Variants in DLC1 observed in about 807,000 individuals in gnomAD.
DLC1 encodes the protein rho GTPase-activating protein 7.
A neutral mutation model predicts 140.3 loss-of-function variants in DLC1; 54 were observed. The observed-to-expected ratio is 0.38, with a 90% CI of 0.31 to 0.48. The LOEUF is 0.48. Ranked by LOEUF, DLC1 falls within the 20% of genes least tolerant of loss-of-function variation. DLC1 has a pLI of 0.96. For missense variants in DLC1, 2,536 were observed against 1,907.0 expected, an observed-to-expected ratio of 1.33 and a Z score of -6.14; for synonymous variants, 986 against 728.1, an observed-to-expected ratio of 1.35 and a Z score of -5.70.
At chr8:13,122,337 A>G (rs1821161053) in intron 5 of DLC1, among the ~76,000 whole-genome samples, 1 of 152,144 alleles carries the variant, frequency 6.6e-6, no homozygotes, top group Non-Finnish European at 1.5e-5. Context: ...AGTTCTGAGG[A>G]CGTACCAAGC....
intron 5 of DLC1, among the ~76,000 whole-genome samples, chr8:13,253,713 C>A (rs761822433): frequency 6.6e-6 from 1 of 152,170 alleles, no homozygotes; most frequent in Non-Finnish European, 1.5e-5. Context: ...GGCTGCACAT[C>A]CTGTGATGGC....
At chr8:13,104,731 C>G (rs1024605690) in intron 7 of DLC1, among the ~76,000 whole-genome samples, 1 of 152,176 alleles carries the variant, frequency 6.6e-6, no homozygotes, top group Non-Finnish European at 1.5e-5. Flanking sequence ...TTTTGCCTGC[C>G]TGATAAGCCC....
chr8:13,496,785 C>CTTTTTTTTTTTTTTTTTTTTTTTT lies in DLC1; in HGVS notation c.1023+2263_1023+2264insAAAAAAAAAAAAAAAAAAAAAAAA. On this transcript the variant is annotated intron_variant, in intron 2 of 17. Transcript: ENST00000276297. The stretch of plus-strand genomic sequence containing the variant: ...TAATTAACAAATTCTTAGACCATTT[C>CTTTTTTTTTTTTTTTTTTTTTTTT]CTTTTTTTTTTTTTTTTTTTTTTTT... 2.0e-3 allele frequency among the ~76,000 whole-genome samples: 17 copies of CTTTTTTTTTTTTTTTTTTTTTTTT among 8,646 alleles called. 3 individuals are homozygous for CTTTTTTTTTTTTTTTTTTTTTTTT. Among genetic ancestry groups the CTTTTTTTTTTTTTTTTTTTTTTTT allele is most frequent in the Non-Finnish European group, 3.4e-3 (5 of 1,456 alleles). 5.7% of individuals were successfully genotyped at this position (8,646 alleles called of 152,430 possible).
chr8:13,112,822 C>T (rs957075803), intron 6 of DLC1, among the ~76,000 whole-genome samples: 1 of 152,154 alleles, frequency 6.6e-6, no homozygotes, highest in Non-Finnish European at 1.5e-5. Flanking sequence ...CCTGGGATTA[C>T]AGGCATGAGC....
intron 4 of DLC1, among the ~76,000 whole-genome samples, chr8:13,336,412 C>T (rs1162733361): frequency 1.3e-5 from 2 of 152,048 alleles, no homozygotes; most frequent in Non-Finnish European, 2.9e-5. Context: ...GTCACAATTC[C>T]AGGAGAAAGT....
intron 5 of DLC1, among the ~76,000 whole-genome samples, chr8:13,222,864 C>T (rs1185788871): frequency 2.6e-4 from 40 of 152,140 alleles, no homozygotes; most frequent in Non-Finnish European, 2.9e-5. Flanking sequence ...CCACCTCAGC[C>T]TCCCCAGTCG....
At position 13,100,100 on chromosome 8, in the gene DLC1, T is replaced by TGGCTGC. The variant is rs1042558787; in HGVS notation, c.2231_2236dup (p.Ser745_Gln746insArgSer). Reference sequence around the variant, plus strand: ...GCTGACCGCGCTGCTGGTCTCCGACTGGCTGCTGCTGCTGCTGGTCTGCGT... The same window carrying TGGCTGC: ...GCTGACCGCGCTGCTGGTCTCCGACTGGCTGCGGCTGCTGCTGCTGCTGGTCTGCGT... On this transcript the variant is annotated inframe_insertion, in exon 9 of 18. Transcript: ENST00000276297. 1.2e-6 allele frequency: 2 copies of TGGCTGC among 1,613,948 alleles called. No individual in the cohort carries two copies. The highest frequency in any genetic ancestry group is 2.7e-5 in the African/African-American group (2 of 75,066).
At chr8:13,470,413 G>T in intron 2 of DLC1, among the ~76,000 whole-genome samples, 1 of 139,468 alleles carries the variant, frequency 7.2e-6, no homozygotes, top group Non-Finnish European at 1.7e-5. Flanking sequence ...AAGCCCCAAA[G>T]AGCCAAACCC....
At chr8:13,284,437 G>C (rs895498361) in intron 5 of DLC1, among the ~76,000 whole-genome samples, 1 of 152,224 alleles carries the variant, frequency 6.6e-6, no homozygotes, top group East Asian at 1.9e-4. Context: ...TGAGGTAGGA[G>C]AATTGCTTAA....
intron 5 of DLC1, among the ~76,000 whole-genome samples, chr8:13,151,112 C>T (rs930437317): frequency 6.6e-6 from 1 of 152,076 alleles, no homozygotes; most frequent in Non-Finnish European, 1.5e-5. Flanking sequence ...GAATGTGAAT[C>T]CTTATAAAAC....
At chr8:13,473,300 A>G (rs1292148887) in intron 2 of DLC1, among the ~76,000 whole-genome samples, 1 of 152,048 alleles carries the variant, frequency 6.6e-6, no homozygotes, top group East Asian at 1.9e-4. Context: ...GTGGGAGGTA[A>G]TTGAATCATG....
At chr8:13,311,640 T>C (rs1832668101) in intron 4 of DLC1, among the ~76,000 whole-genome samples, 1 of 152,246 alleles carries the variant, frequency 6.6e-6, no homozygotes, top group African/African-American at 2.4e-5. Context: ...ACAACTGTCT[T>C]TCAGTTTTTG....
chr8:13,126,001 C>T (rs1360428232), intron 5 of DLC1, among the ~76,000 whole-genome samples: 8 of 151,944 alleles, frequency 5.3e-5, no homozygotes, highest in Admixed American at 3.3e-4. Flanking sequence ...CTTTGGGGAT[C>T]ATCTAGTACA....
chr8:13,120,342 C>CAAAAAAAAA lies in DLC1; in HGVS notation c.1349-4694_1349-4686dup, dbSNP rs1554577908. 2.5e-3 allele frequency among the ~76,000 whole-genome samples: 149 copies of CAAAAAAAAA among 58,698 alleles called. 2 individuals carry two copies. The highest frequency in any genetic ancestry group is 3.6e-3 in the African/African-American group (70 of 19,608). 38.5% of individuals were successfully genotyped at this position (58,698 alleles called of 152,430 possible). A position where few individuals can be genotyped will look rare whatever the true frequency, so the allele number is the denominator to read the frequency against. ...TGGATGACAGAAAGAGACTCCGTCG[C>CAAAAAAAAA]AAAAAAAAAAAAAAATATATATATA... On this transcript the variant is annotated intron_variant, in intron 5 of 17. Transcript: ENST00000276297.
At chr8:13,473,478 T>A (rs1252682321) in intron 2 of DLC1, among the ~76,000 whole-genome samples, 2 of 152,176 alleles carry the variant, frequency 1.3e-5, no homozygotes, top group Non-Finnish European at 2.9e-5. Context: ...AGTAAATTGG[T>A]ACCAGTAGAG....
At chr8:13,525,485 C>T (rs2117294550) in intron 1 of DLC1, among the ~76,000 whole-genome samples, 1 of 152,320 alleles carries the variant, frequency 6.6e-6, no homozygotes, top group South Asian at 2.1e-4. Flanking sequence ...GTTACACATG[C>T]ATGCCAACAG....
At chr8:13,356,452 T>C (rs981134583) in intron 4 of DLC1, among the ~76,000 whole-genome samples, 4 of 152,234 alleles carry the variant, frequency 2.6e-5, no homozygotes, top group Non-Finnish European at 5.9e-5. Flanking sequence ...CATGTATTTT[T>C]TACCATACGA....
intron 5 of DLC1, among the ~76,000 whole-genome samples, chr8:13,282,725 T>C (rs573841762): frequency 6.6e-6 from 1 of 152,306 alleles, no homozygotes; most frequent in South Asian, 2.1e-4. Context: ...GAACCAGAGT[T>C]ACAATTTCTC....
chr8:13,092,630 C>G lies in DLC1; in HGVS notation c.3722G>C (p.Arg1241Thr). 3 of 1,614,182 alleles carry G rather than the reference C, an allele frequency of 1.9e-6. No homozygotes were observed. The highest frequency in any genetic ancestry group is 2.5e-6 in the Non-Finnish European group (3 of 1,180,036). Residue 1241 changes from arginine (R) to threonine (T), a missense_variant, in exon 13 of 18, where the codon AGA becomes ACA. Physicochemically the swap from Arg to Thr is moderately conservative, Grantham distance 71. Coordinates refer to ENST00000276297, the MANE Select transcript of DLC1 (RefSeq NM_182643.3). ...CCCGTACCTGGGAGAGGAATTCTCT[C>G]TCTTCAGGGTGTTGAGATGGAAGAG... ...PSLFHLNTLK[R>T]ENSSPRVMQR...
Sources: allele counts gnomAD v4.1 joint callset (sites outside exome capture counted in the v4.1 genomes callset), GRCh38; gene constraint gnomAD v4.1.1; transcripts MANE v1.5; gene names NCBI Gene and HGNC (gene_info 2026-07-23, HGNC 2026-07-21).